LRRC7: variants seen among roughly 807,000 people sequenced by gnomAD.
LRRC7 encodes the protein leucine-rich repeat-containing protein 7.
In LRRC7, 23 loss-of-function variants were observed where a neutral mutation model predicts 175.7. That is an observed-to-expected ratio of 0.13 (90% CI 0.09 to 0.19). The LOEUF is 0.19. Among genes scored for constraint, LRRC7 ranks in the 10% least tolerant of loss-of-function variants. The pLI, the probability that LRRC7 is intolerant of heterozygous loss-of-function variation, is 1.00. For missense variants in LRRC7, 1,354 were observed against 1,904.7 expected (o/e 0.71, Z 5.38); for synonymous variants, 685 against 680.9 (o/e 1.01, Z -0.09).
At chr1:69,951,356 C>A (rs1649905464) in intron 8 of LRRC7, among the ~76,000 whole-genome samples, 1 of 152,000 alleles carries the variant, frequency 6.6e-6, no homozygotes, top group African/African-American at 2.4e-5. Flanking sequence ...TAAATTAGTT[C>A]AACCACTGTG....
chr1:69,838,692 AT>A (rs1321147631), intron 7 of LRRC7, among the ~76,000 whole-genome samples: 2 of 151,938 alleles, frequency 1.3e-5, no homozygotes, highest in Non-Finnish European at 2.9e-5. Flanking sequence ...TATGCCAGAA[AT>A]TTTTAGGAAA....
intron 7 of LRRC7, among the ~76,000 whole-genome samples, chr1:69,875,198 T>A (rs1007933482): frequency 6.6e-6 from 1 of 152,056 alleles, no homozygotes; most frequent in Admixed American, 6.6e-5. Context: ...CTGTTTTGAC[T>A]TTATGATGTT....
intron 1 of LRRC7, among the ~76,000 whole-genome samples, chr1:69,603,265 T>C (rs1220082042): frequency 6.6e-6 from 1 of 152,170 alleles, no homozygotes; most frequent in African/African-American, 2.4e-5. Flanking sequence ...AGTTAGGACT[T>C]GGTCATATTT....
chr1:70,098,213 T>C (rs1664553996), intron 25 of LRRC7, among the ~76,000 whole-genome samples: 1 of 152,110 alleles, frequency 6.6e-6, no homozygotes, highest in Non-Finnish European at 1.5e-5. Flanking sequence ...TGATGGCCAG[T>C]GATGATGAGC....
At chr1:69,951,100 A>G (rs1232641737) in intron 8 of LRRC7, among the ~76,000 whole-genome samples, 1 of 152,052 alleles carries the variant, frequency 6.6e-6, no homozygotes, top group Non-Finnish European at 1.5e-5. Flanking sequence ...ATTTACAAAA[A>G]AAAAAACCAT....
At chr1:69,686,423 T>C (rs1223684062) in intron 2 of LRRC7, among the ~76,000 whole-genome samples, 2 of 152,170 alleles carry the variant, frequency 1.3e-5, no homozygotes, top group African/African-American at 4.8e-5. Flanking sequence ...GGTGCACATG[T>C]ATGTAGATGA....
intron 2 of LRRC7, among the ~76,000 whole-genome samples, chr1:69,708,722 G>A (rs762694881): frequency 6.6e-6 from 1 of 152,136 alleles, no homozygotes; most frequent in African/African-American, 2.4e-5. Context: ...CTGATCTAAG[G>A]AGTCTCTGTT....
At chr1:69,967,180 C>T (rs60842888) in intron 8 of LRRC7, among the ~76,000 whole-genome samples, 4 of 152,086 alleles carry the variant, frequency 2.6e-5, no homozygotes, top group Non-Finnish European at 5.9e-5. Flanking sequence ...TGCCACTTTT[C>T]CCTACTTCCC....
At chr1:70,011,733 G>A in intron 11 of LRRC7, 64 bp from the exon 12 acceptor site, 1 of 1,170,016 alleles carries the variant, frequency 8.5e-7, no homozygotes. Flanking sequence ...TGGATATGTG[G>A]CTTTTTCAAA....
intron 7 of LRRC7, among the ~76,000 whole-genome samples, chr1:69,893,740 T>C (rs1645901362): frequency 6.6e-6 from 1 of 152,230 alleles, no homozygotes; most frequent in Non-Finnish European, 1.5e-5. Context: ...TAGCTTCTAA[T>C]AATATCAAGG....
intron 1 of LRRC7, among the ~76,000 whole-genome samples, chr1:69,585,262 A>G (rs1050202818): frequency 6.6e-6 from 1 of 152,156 alleles, no homozygotes; most frequent in Non-Finnish European, 1.5e-5. Context: ...AATCCTCACC[A>G]TATTTACTCT....
At chr1:69,781,793 G>A (rs1181316858) in intron 3 of LRRC7, among the ~76,000 whole-genome samples, 2 of 31,170 alleles carry the variant, frequency 6.4e-5, no homozygotes, top group African/African-American at 2.8e-4. Context: ...AAGAAAGGAA[G>A]GAAGGAAGGA....
chr1:70,046,539 A>G (rs1660344692), intron 22 of LRRC7, among the ~76,000 whole-genome samples: 1 of 152,154 alleles, frequency 6.6e-6, no homozygotes, highest in African/African-American at 2.4e-5. Context: ...AGAGAAGGCA[A>G]GGGAGGAAAA....
intron 1 of LRRC7, among the ~76,000 whole-genome samples, chr1:69,658,039 C>T (rs748064837): frequency 2.0e-5 from 3 of 151,780 alleles, no homozygotes; most frequent in Non-Finnish European, 2.9e-5. Flanking sequence ...TTTAATGGCT[C>T]TTACTCAAGC....
chr1:69,895,093 G>A (rs928751866), intron 7 of LRRC7, among the ~76,000 whole-genome samples: 4 of 152,076 alleles, frequency 2.6e-5, no homozygotes, highest in Admixed American at 6.6e-5. Context: ...TTAGCCAGGC[G>A]TGGTGGTGCT....
rs548349646 is a variant in LRRC7, at chr1:69,754,338, C to A, written c.101-5853C>A. 3.3e-5 allele frequency among the ~76,000 whole-genome samples: 5 copies of A among 151,766 alleles called. No homozygotes were observed. The South Asian group carries it at 6.2e-4, about 19-fold the overall frequency. Reference sequence around the variant, plus strand: ...TTTGAACTAGGTCAATAGGCAGTTGCGATGAAGAAAAACAGGCTTGTTCAG... The same window carrying A: ...TTTGAACTAGGTCAATAGGCAGTTGAGATGAAGAAAAACAGGCTTGTTCAG... On this transcript the variant is annotated intron_variant, in intron 2 of 26. Transcript: ENST00000651989.
Position 69,906,791 on chromosome 1 carries a change from G to C in LRRC7, c.648-24716G>C, listed in dbSNP as rs578015754. 4.7e-4 allele frequency among the ~76,000 whole-genome samples: 72 copies of C among 152,206 alleles called. 1 individual carries two copies. The highest frequency in any genetic ancestry group is 1.5e-3 in the African/African-American group (64 of 41,524). On this transcript the variant is annotated intron_variant, in intron 7 of 26. Coordinates refer to ENST00000651989, the MANE Select transcript of LRRC7 (RefSeq NM_001370785.2). ...CTTTAAAGCAGTTTTTTCCAATTCT[G>C]TGAAGAAAGTCATTGGTAGTTTGGT... is the stretch of plus-strand genomic sequence containing the variant.
chr1:70,016,645 T>A (rs1321119997), intron 14 of LRRC7, 111 bp downstream of exon 14: 8 of 789,016 alleles, frequency 1.0e-5, no homozygotes, highest in East Asian at 6.1e-5. Context: ...AAATGTAGAT[T>A]GTTTTTATCC....
intron 8 of LRRC7, among the ~76,000 whole-genome samples, chr1:69,959,001 G>A (rs1312445484): frequency 6.6e-6 from 1 of 152,048 alleles, no homozygotes; most frequent in Admixed American, 6.6e-5. Context: ...TAGGGTAAGT[G>A]ATGAGCTGTG....
Sources: allele counts gnomAD v4.1 joint callset (sites outside exome capture counted in the v4.1 genomes callset), GRCh38; gene constraint gnomAD v4.1.1; transcripts MANE v1.5; gene names NCBI Gene and HGNC (gene_info 2026-07-23, HGNC 2026-07-21).